The following CCDC175 variants were observed in gnomAD, a reference collection of about 807,000 sequenced individuals.
The protein encoded by CCDC175 is coiled-coil domain-containing protein 175.
CCDC175 carries 100 observed loss-of-function variants against 114.6 expected under a neutral mutation model. That is an observed-to-expected ratio of 0.87 (90% CI 0.74 to 1.03). The LOEUF is 1.03. Among genes scored for constraint, CCDC175 ranks in the 50% least tolerant of loss-of-function variants. The pLI, the probability that CCDC175 is intolerant of heterozygous loss-of-function variation, is 0.00. For missense variants in CCDC175, 880 were observed against 917.8 expected (o/e 0.96, Z 0.53); for synonymous variants, 306 against 308.7 (o/e 0.99, Z 0.09).
chr14:59,508,983 G>C (rs1303260793), intron 19 of CCDC175, among the ~76,000 whole-genome samples: 1 of 152,118 alleles, frequency 6.6e-6, no homozygotes, highest in Non-Finnish European at 1.5e-5. Flanking sequence ...TGCATAAACA[G>C]CCTCTGCTTA....
chr14:59,526,993 T>A, intron 15 of CCDC175, 102 bp downstream of exon 15: 3 of 613,262 alleles, frequency 4.9e-6, no homozygotes, highest in Non-Finnish European at 8.0e-6. Flanking sequence ...GTTTAACAAA[T>A]GTGGATTTCA....
intron 8 of CCDC175, among the ~76,000 whole-genome samples, chr14:59,545,671 G>A (rs1477694147): frequency 1.3e-5 from 2 of 152,202 alleles, no homozygotes; most frequent in African/African-American, 2.4e-5. Flanking sequence ...TTTTTGAGTT[G>A]ATATTATGCT....
At chr14:59,544,876 A>G (rs1283510514) in intron 9 of CCDC175, among the ~76,000 whole-genome samples, 2 of 152,166 alleles carry the variant, frequency 1.3e-5, no homozygotes, top group Non-Finnish European at 2.9e-5. Context: ...AGACACAGAG[A>G]GAAAGCGGCT....
intron 3 of CCDC175, among the ~76,000 whole-genome samples, 170 bp from the exon 4 acceptor site, chr14:59,568,550 A>G (rs1286401878): frequency 6.6e-6 from 1 of 151,982 alleles, no homozygotes; most frequent in Non-Finnish European, 1.5e-5. Context: ...TATTTCTCTT[A>G]TTTCTGCTGC....
chr14:59,576,375 G>T (rs780805005), intron 1 of CCDC175, among the ~76,000 whole-genome samples: 5 of 152,196 alleles, frequency 3.3e-5, no homozygotes, highest in Admixed American at 1.3e-4. Flanking sequence ...TGTCACCTCA[G>T]TAATTTAACT....
In CCDC175 at chr14:59,538,133, T is replaced by G. The variant is rs1395003997; in HGVS notation, c.1513A>C (p.Ile505Leu). 1.3e-6 allele frequency: 2 copies of G among 1,534,810 alleles called. No individual in the cohort carries two copies. Among genetic ancestry groups the G allele is most frequent in the Admixed American group, 3.9e-5 (2 of 50,926 alleles). ...LNETSFRQQEISGFVAQIEKL... is the reference protein window; with the variant it reads ...LNETSFRQQELSGFVAQIEKL... ...TCAATCTGTGCCACAAATCCACTGA[T>G]CTCCTGTTGTCTGAAACTGGTCTAA... The change falls in exon 13 of 20, where the codon ATC (isoleucine) becomes CTC (leucine). Residue 505 changes from isoleucine to leucine, a missense_variant. By Grantham distance (5) the Ile-to-Leu change is conservative. Transcript: ENST00000537690.
chr14:59,569,648 A>G (rs1174351243), intron 3 of CCDC175, among the ~76,000 whole-genome samples: 2 of 150,496 alleles, frequency 1.3e-5, no homozygotes, highest in Non-Finnish European at 3.0e-5. Context: ...ATTCTTCTAA[A>G]TCTGATTTTC....
At chr14:59,531,275 G>A (rs1191325596) in intron 14 of CCDC175, among the ~76,000 whole-genome samples, 1 of 151,670 alleles carries the variant, frequency 6.6e-6, no homozygotes, top group Non-Finnish European at 1.5e-5. Context: ...GCATACTTTC[G>A]GACATATTTC....
intron 14 of CCDC175, among the ~76,000 whole-genome samples, chr14:59,531,474 A>G (rs1894067537): frequency 6.6e-6 from 1 of 152,238 alleles, no homozygotes; most frequent in South Asian, 2.1e-4. Flanking sequence ...TAGCAAACAA[A>G]TGAGTTAGTT....
At chr14:59,522,188 G>A (rs1369578856) in intron 16 of CCDC175, among the ~76,000 whole-genome samples, 1 of 152,200 alleles carries the variant, frequency 6.6e-6, no homozygotes, top group African/African-American at 2.4e-5. Flanking sequence ...ATGGCTTTCT[G>A]TTCTGACCAC....
intron 14 of CCDC175, among the ~76,000 whole-genome samples, chr14:59,530,186 G>T (rs1017230090): frequency 1.6e-4 from 25 of 152,046 alleles, no homozygotes; most frequent in African/African-American, 6.0e-4. Context: ...GACCAACATG[G>T]TGAAACCCCA....
At chr14:59,568,710 C>T (rs569050480) in intron 3 of CCDC175, among the ~76,000 whole-genome samples, 1 of 152,272 alleles carries the variant, frequency 6.6e-6, no homozygotes, top group Admixed American at 6.5e-5. Flanking sequence ...CACCCACACC[C>T]ATGCATGTAT....
intron 1 of CCDC175, among the ~76,000 whole-genome samples, 185 bp downstream of exon 1, chr14:59,576,434 T>A (rs539248976): frequency 6.6e-6 from 1 of 152,242 alleles, no homozygotes; most frequent in South Asian, 2.1e-4. Context: ...GGGCAGGAGA[T>A]CTGGGCACTT....
At position 59,572,884 on chromosome 14, in the gene CCDC175, C is replaced by T. The variant is rs1896915055; in HGVS notation, c.244-71G>A. ...GTAAGATTGATTTCCTAAACAATGC[C>T]CTACAAATGTTTTCAGGGGTCAAAA... On this transcript the variant is annotated intron_variant, in intron 2 of 19. Transcript: ENST00000537690. 3.5e-6 allele frequency: 3 copies of T among 846,960 alleles called. No individual in the cohort carries two copies. In the East Asian group the frequency reaches 8.7e-5, roughly 25 times the overall value. 52.5% of individuals were successfully genotyped at this position (846,960 alleles called of 1,614,324 possible).
At chr14:59,554,886 G>T (rs1211199555) in intron 7 of CCDC175, among the ~76,000 whole-genome samples, 1 of 152,062 alleles carries the variant, frequency 6.6e-6, no homozygotes, top group East Asian at 1.9e-4. Flanking sequence ...TAAATTCCTC[G>T]ACACATACAC....
At chr14:59,516,187 T>C (rs900568394) in intron 17 of CCDC175, among the ~76,000 whole-genome samples, 15 of 152,344 alleles carry the variant, frequency 9.8e-5, no homozygotes, top group African/African-American at 1.9e-4. Context: ...GGGAAAATTA[T>C]AGCACTAAAT....
At chr14:59,540,858 A>G in intron 10 of CCDC175, 112 bp from the exon 11 acceptor site, 1 of 890,852 alleles carries the variant, frequency 1.1e-6, no homozygotes, top group Non-Finnish European at 1.7e-6. Context: ...ATTGGGAGAC[A>G]AAATAAGCCT....
At chr14:59,543,031 T>G (rs1440336416) in intron 10 of CCDC175, among the ~76,000 whole-genome samples, 5 of 152,124 alleles carry the variant, frequency 3.3e-5, no homozygotes, top group Admixed American at 3.3e-4. Context: ...AAATTAAAAT[T>G]AAAATGACTT....
intron 17 of CCDC175, among the ~76,000 whole-genome samples, chr14:59,512,997 T>C (rs1214495810): frequency 1.3e-5 from 2 of 152,190 alleles, no homozygotes; most frequent in African/African-American, 4.8e-5. Context: ...GTGATATTGG[T>C]ATAAAGTTAG....
Sources: gnomAD v4.1 joint callset for allele counts (sites outside exome capture counted in the v4.1 genomes callset) on GRCh38, gnomAD v4.1.1 for gene constraint, MANE v1.5 for transcripts, NCBI Gene and HGNC (gene_info 2026-07-23, HGNC 2026-07-21) for gene names.